The following ILDR1 variants were observed in gnomAD, a reference collection of about 807,000 sequenced individuals.
ILDR1 encodes immunoglobulin-like domain-containing receptor 1.
ILDR1 carries 56 observed loss-of-function variants against 62.4 expected under a neutral mutation model. That is an observed-to-expected ratio of 0.90 (90% CI 0.72 to 1.12). The LOEUF is 1.12. Among genes scored for constraint, ILDR1 ranks in the 50% most tolerant of loss-of-function variants. ILDR1 has a pLI of 0.00. For missense variants in ILDR1, 736 were observed against 710.6 expected (o/e 1.04, Z -0.41); for synonymous variants, 284 against 277.8 (o/e 1.02, Z -0.22).
intron 1 of ILDR1, among the ~76,000 whole-genome samples, chr3:122,013,383 G>A (rs958722084): frequency 1.3e-5 from 2 of 152,130 alleles, no homozygotes; most frequent in Admixed American, 6.6e-5. Flanking sequence ...TGGTAGGCAG[G>A]AGGGTGAAGG....
At chr3:121,991,932 G>A (rs911997566) in intron 7 of ILDR1, among the ~76,000 whole-genome samples, 8 of 152,144 alleles carry the variant, frequency 5.3e-5, no homozygotes, top group African/African-American at 1.9e-4. Flanking sequence ...TCTCTGCTCC[G>A]GGAACTTATT....
the ILDR1 span, among the ~76,000 whole-genome samples, chr3:122,029,606 C>T: frequency 8.6e-5 from 13 of 150,674 alleles, no homozygotes; most frequent in African/African-American, 2.4e-4. Context: ...GATGGATTAG[C>T]GGGTGCTTTA....
rs913714323 is a variant in ILDR1 at position 122,018,843 on chromosome 3, C to G, written c.58+3177G>C. Among the ~76,000 whole-genome samples, 3 of 152,146 alleles carry G rather than the reference C, an allele frequency of 2.0e-5. No homozygotes were observed. The East Asian group carries it at 5.8e-4, about 29-fold the overall frequency. On this transcript the variant is annotated intron_variant, in intron 1 of 7. Transcript: ENST00000344209. The stretch of plus-strand genomic sequence containing the variant: ...CAGTCTCCCATCCATCACCCATACC[C>G]CCTCACCCTGAGATATATCAGGGAA...
Position 121,995,628 on chromosome 3 carries a change from C to T in ILDR1, c.647-1315G>A, listed in dbSNP as rs1352241794. ...TGCAGCAGCTCCCCCAGCAGCTACA[C>T]CTTCATGCCAGCTGATCACCTGGAG... On this transcript the variant is annotated intron_variant, in intron 5 of 7. Transcript: ENST00000344209. Among the ~76,000 whole-genome samples, 5 of 152,168 alleles carry T rather than the reference C, an allele frequency of 3.3e-5. No individual in the cohort carries two copies. The East Asian group carries it at 7.7e-4, about 23-fold the overall frequency.
In ILDR1 at chr3:122,007,236, CAA is replaced by C. The variant is rs775030912; in HGVS notation, c.59-77_59-76del. Reference sequence around the variant, plus strand: ...GGGTAAGAAAAACAATGCAAATGGGCAAAAGATATTGCCTGCCATCCTGCCTG... The same window carrying C: ...GGGTAAGAAAAACAATGCAAATGGGCAAGATATTGCCTGCCATCCTGCCTG... On this transcript the variant is annotated intron_variant, in intron 1 of 7. Coordinates refer to ENST00000344209, the MANE Select transcript of ILDR1 (RefSeq NM_001199799.2). 3.1e-6 allele frequency: 5 copies of C among 1,604,946 alleles called. No individual in the cohort carries two copies. In the Admixed American group the frequency reaches 8.6e-5, roughly 27 times the overall value.
chr3:122,008,269 C>G (rs2071645143), intron 1 of ILDR1, among the ~76,000 whole-genome samples: 1 of 152,210 alleles, frequency 6.6e-6, no homozygotes, highest in African/African-American at 2.4e-5. Context: ...TACAGGCATA[C>G]TTAAAGCTCC....
chr3:122,034,711 G>A, the ILDR1 span, among the ~76,000 whole-genome samples: 6 of 152,134 alleles, frequency 3.9e-5, no homozygotes, highest in South Asian at 4.1e-4. Flanking sequence ...AGACATACCC[G>A]AGACTGGGGA....
intron 3 of ILDR1, among the ~76,000 whole-genome samples, 170 bp downstream of exon 3, chr3:122,005,074 T>G (rs2071583575): frequency 6.6e-6 from 1 of 152,228 alleles, no homozygotes; most frequent in African/African-American, 2.4e-5. Flanking sequence ...TCACTTCAGC[T>G]GGTGCAGCAC....
the ILDR1 span, among the ~76,000 whole-genome samples, chr3:122,056,062 G>A: frequency 6.6e-6 from 1 of 152,176 alleles, no homozygotes; most frequent in African/African-American, 2.4e-5. Flanking sequence ...TGCATGATGT[G>A]CTGGGTACTT....
At chr3:122,015,290 T>A (rs915231108) in intron 1 of ILDR1, among the ~76,000 whole-genome samples, 1 of 152,228 alleles carries the variant, frequency 6.6e-6, no homozygotes, top group Non-Finnish European at 1.5e-5. Context: ...CATCCTTCCA[T>A]ACAAACTTGG....
the ILDR1 span, among the ~76,000 whole-genome samples, chr3:122,039,257 G>A: frequency 6.6e-6 from 1 of 151,928 alleles, no homozygotes; most frequent in Non-Finnish European, 1.5e-5. Context: ...GAAGCCCAGA[G>A]AACACCAGGA....
chr3:122,046,702 T>C, the ILDR1 span, among the ~76,000 whole-genome samples: 19 of 145,964 alleles, frequency 1.3e-4, no homozygotes, highest in African/African-American at 4.6e-4. Flanking sequence ...TTCTTCCAGT[T>C]GATCGCATTG....
chr3:122,042,766 GTTTT>G, the ILDR1 span, among the ~76,000 whole-genome samples: 1 of 151,780 alleles, frequency 6.6e-6, no homozygotes, highest in Admixed American at 6.6e-5. Flanking sequence ...GGGGTTGTTT[GTTTT>G]TTTCTTGTAA....
At chr3:121,998,040 A>G (rs1435817405) in intron 5 of ILDR1, among the ~76,000 whole-genome samples, 1 of 152,174 alleles carries the variant, frequency 6.6e-6, no homozygotes, top group African/African-American at 2.4e-5. Flanking sequence ...TGCATCTAGA[A>G]TTTTGATTTG....
chr3:122,013,134 T>C (rs2071728362), intron 1 of ILDR1, among the ~76,000 whole-genome samples: 1 of 152,156 alleles, frequency 6.6e-6, no homozygotes, highest in African/African-American at 2.4e-5. Context: ...CAGGGCAGAG[T>C]ATCTTTACAA....
chr3:122,042,123 G>T, the ILDR1 span, among the ~76,000 whole-genome samples: 1 of 99,364 alleles, frequency 1.0e-5, no homozygotes, highest in Non-Finnish European at 2.0e-5. Flanking sequence ...GTGTCCATGT[G>T]ATCTCATTGT....
At chr3:122,041,102 A>T in the ILDR1 span, among the ~76,000 whole-genome samples, 1 of 152,212 alleles carries the variant, frequency 6.6e-6, no homozygotes, top group African/African-American at 2.4e-5. Context: ...ATGGGTCAAA[A>T]ACCTTAACAG....
At chr3:122,036,471 C>G in the ILDR1 span, among the ~76,000 whole-genome samples, 2 of 152,006 alleles carry the variant, frequency 1.3e-5, no homozygotes, top group South Asian at 4.2e-4. Flanking sequence ...CACCTGTAGT[C>G]CCAGCTACTC....
chr3:122,060,940 C>A, the ILDR1 span, among the ~76,000 whole-genome samples: 3 of 151,958 alleles, frequency 2.0e-5, no homozygotes, highest in Non-Finnish European at 2.9e-5. Context: ...GGAAAAAAAA[C>A]CCATTAGAGT....
Sources: allele counts gnomAD v4.1 joint callset (sites outside exome capture counted in the v4.1 genomes callset), GRCh38; gene constraint gnomAD v4.1.1; transcripts MANE v1.5; gene names NCBI Gene and HGNC (gene_info 2026-07-23, HGNC 2026-07-21).